The following MARF1 variants were observed in gnomAD, a reference collection of about 807,000 sequenced individuals.
MARF1 encodes limkain-b1.
Under a neutral mutation model 168.2 loss-of-function variants are expected in MARF1, and 24 were observed. That is an observed-to-expected ratio of 0.14 (90% CI 0.10 to 0.20). The LOEUF (loss-of-function observed/expected upper bound fraction) is 0.20. Ranked by LOEUF, MARF1 falls within the 10% of genes least tolerant of loss-of-function variation. The probability of loss-of-function intolerance (pLI) is 1.00; values close to 1 mark genes in which losing one functional copy is unlikely to be tolerated. For synonymous variants in MARF1, 868 were observed against 822.4 expected, an observed-to-expected ratio of 1.06 and a Z score of -0.95; for missense variants, 1,744 against 2,143.6, an observed-to-expected ratio of 0.81 and a Z score of 3.68.
intron 2 of MARF1, among the ~76,000 whole-genome samples, chr16:15,638,118 C>T (rs929744542): frequency 9.2e-5 from 14 of 152,192 alleles, no homozygotes; most frequent in African/African-American, 3.4e-4. Context: ...GAACCCGGAT[C>T]GTGCCACTGC....
chr16:15,623,166 CT>C lies in MARF1; in HGVS notation c.2271-44del, dbSNP rs772390465. 12 of 1,442,978 alleles carry C rather than the reference CT, an allele frequency of 8.3e-6. No homozygotes were observed. In the Admixed American group the frequency reaches 2.4e-4, roughly 29 times the overall value. 89.4% of individuals were successfully genotyped at this position (1,442,978 alleles called of 1,614,324 possible). ...ATTGACATTATTTTAAAAAACTGTT[CT>C]GTATATTTAGATTTTATCATTTAGG... On this transcript the variant is annotated intron_variant, in intron 10 of 26. Transcript: ENST00000396368.
chr16:15,642,054 C>T (rs1052775416), intron 1 of MARF1, among the ~76,000 whole-genome samples: 2 of 152,174 alleles, frequency 1.3e-5, no homozygotes, highest in African/African-American at 4.8e-5. Flanking sequence ...CTCTCTGAAC[C>T]TCAGATCCCA....
At position 15,615,923 on chromosome 16, in the gene MARF1, T is replaced by G; in HGVS notation, c.3160A>C (p.Ile1054Leu). Residue 1054 changes from isoleucine to leucine, a missense_variant, in exon 16 of 27, where the codon ATT (isoleucine) becomes CTT (leucine). Physicochemically the swap from Ile to Leu is conservative, Grantham distance 5. Coordinates refer to ENST00000396368, the MANE Select transcript of MARF1 (RefSeq NM_014647.4). ...NQGGVPLEHFITCVPGVNIAT... is the reference protein window; with the variant it reads ...NQGGVPLEHFLTCVPGVNIAT... ...ATGTTTACACCTGGAACACAGGTAA[T>G]GAAGTGTTCTAAGGGAACACCTCCT... 1 of 1,601,354 alleles carries G rather than the reference T, an allele frequency of 6.2e-7. No individual in the cohort carries two copies. Among genetic ancestry groups the G allele is most frequent in the Middle Eastern group, 1.7e-4 (1 of 6,016 alleles).
Position 15,636,198 on chromosome 16 carries a change from G to C in MARF1, c.289C>G (p.Pro97Ala). 1 of 1,614,178 alleles carries C rather than the reference G, an allele frequency of 6.2e-7. No individual in the cohort carries two copies. Among genetic ancestry groups the C allele is most frequent in the Non-Finnish European group, 8.5e-7 (1 of 1,180,032 alleles). ...CAATGAGCACAGCAGCTTACTTTGG[G>C]GACAGAAGAAAGCTGTATTTTAGGC... Reference protein sequence around the residue: ...QQPKIQLSSVPKVSCCAHCPN... With the variant: ...QQPKIQLSSVAKVSCCAHCPN... Residue 97 changes from proline to alanine, a missense_variant, in exon 3 of 27, where the codon CCC (proline) becomes GCC (alanine). Pro to Ala is a conservative substitution (Grantham distance 27). Around this residue, in one of 7 missense-constraint regions of MARF1, gnomAD observed 318 missense variants for 336.6 expected, o/e 0.94. Coordinates refer to ENST00000396368, the MANE Select transcript of MARF1 (RefSeq NM_014647.4).
At chr16:15,619,878 A>C (rs1351585799) in intron 13 of MARF1, among the ~76,000 whole-genome samples, 1 of 152,078 alleles carries the variant, frequency 6.6e-6, no homozygotes. Context: ...AAATACTAAA[A>C]CTTGGCCAGG....
chr16:15,598,120 C>T (rs2031947582), intron 26 of MARF1, among the ~76,000 whole-genome samples: 1 of 152,150 alleles, frequency 6.6e-6, no homozygotes. Context: ...GATGGGCCAT[C>T]CTCTCCAGAG....
intron 10 of MARF1, among the ~76,000 whole-genome samples, chr16:15,624,353 G>A (rs1390878768): frequency 6.6e-6 from 1 of 152,212 alleles, no homozygotes; most frequent in Non-Finnish European, 1.5e-5. Flanking sequence ...CTTGGTGTGA[G>A]AGACAGTGAT....
intron 4 of MARF1, 118 bp from the exon 5 acceptor site, chr16:15,633,961 C>G: frequency 1.2e-6 from 1 of 847,460 alleles, no homozygotes; most frequent in Non-Finnish European, 1.8e-6. Context: ...TAATGAATGC[C>G]AAGTTTTAAG....
chr16:15,636,300 C>T lies in MARF1; in HGVS notation c.187G>A (p.Asp63Asn). Residue 63 changes from aspartate (D) to asparagine (N), a missense_variant, in exon 3 of 27, where the codon GAT becomes AAT. Physicochemically the swap from Asp to Asn is conservative, Grantham distance 23. Around this residue, in one of 7 missense-constraint regions of MARF1, gnomAD observed 318 missense variants for 336.6 expected, o/e 0.94. Transcript: ENST00000396368. Reference sequence around the variant, plus strand: ...CCAGCATGAAGGGGTGATGGTACATCCTTTAGTTCCACAGCAACTTTCTTG... The same window carrying T: ...CCAGCATGAAGGGGTGATGGTACATTCTTTAGTTCCACAGCAACTTTCTTG... The part of the protein sequence containing the change: ...ENKKVAVELK[D>N]VPSPLHAGSK... The T allele has an allele frequency of 6.3e-7, 1 of 1,582,788 alleles. No homozygotes were observed. The highest frequency in any genetic ancestry group is 2.3e-5 in the East Asian group (1 of 44,404).
chr16:15,624,435 C>A (rs1157420798), intron 10 of MARF1, among the ~76,000 whole-genome samples: 1 of 152,156 alleles, frequency 6.6e-6, no homozygotes, highest in Non-Finnish European at 1.5e-5. Flanking sequence ...TGAATCAGAA[C>A]CACCAATGCA....
At chr16:15,636,951 A>G (rs918579054) in intron 2 of MARF1, among the ~76,000 whole-genome samples, 22 of 152,204 alleles carry the variant, frequency 1.4e-4, no homozygotes, top group African/African-American at 5.1e-4. Context: ...CAGCCAGTGA[A>G]AAGATTTAGA....
intron 19 of MARF1, 138 bp from the exon 20 acceptor site, chr16:15,609,863 AAC>A: frequency 1.4e-6 from 1 of 700,644 alleles, no homozygotes; most frequent in Non-Finnish European, 2.4e-6. Flanking sequence ...ACCTAAAACA[AAC>A]ACATATACTC....
rs2031569567 is a variant in MARF1, at chr16:15,595,276, C to G, written c.*1417G>C. ...AACAAAAAATCTGACTTGTAAAAATCTCTCTATAGCCCTTATTTTGTGGCA... is the reference window on the plus strand; with the variant it reads ...AACAAAAAATCTGACTTGTAAAAATGTCTCTATAGCCCTTATTTTGTGGCA... On this transcript the variant is annotated 3_prime_UTR_variant, in exon 27 of 27. Coordinates refer to ENST00000396368, the MANE Select transcript of MARF1 (RefSeq NM_014647.4). The G allele has an allele frequency of 6.6e-6, 1 of 152,530 alleles. No individual in the cohort carries two copies. Among genetic ancestry groups the G allele is most frequent in the Non-Finnish European group, 1.5e-5 (1 of 68,016 alleles). 9.4% of individuals were successfully genotyped at this position (152,530 alleles called of 1,614,324 possible).
intron 7 of MARF1, among the ~76,000 whole-genome samples, chr16:15,626,119 T>G (rs1180473281): frequency 6.6e-6 from 1 of 152,100 alleles, no homozygotes; most frequent in African/African-American, 2.4e-5. Flanking sequence ...AGTGAGACAC[T>G]GTCTCAAAAA....
At chr16:15,636,449 C>A in intron 2 of MARF1, 107 bp from the exon 3 acceptor site, 1 of 773,854 alleles carries the variant, frequency 1.3e-6, no homozygotes, top group Non-Finnish European at 2.0e-6. Flanking sequence ...AATTCTGTTA[C>A]ATCACTAAAT....
Position 15,636,015 on chromosome 16 carries a change from A to G in MARF1, c.472T>C (p.Ser158Pro). The change falls in exon 3 of 27, where the codon TCT (serine) becomes CCT (proline). Residue 158 changes from serine (S) to proline (P), a missense_variant. Coordinates refer to ENST00000396368, the MANE Select transcript of MARF1 (RefSeq NM_014647.4). ...VGSGFAFQSASSLQNASARNN... is the reference protein window; with the variant it reads ...VGSGFAFQSAPSLQNASARNN... Reference sequence around the variant, plus strand: ...CTAGCTGAGGCATTCTGGAGTGAAGATGCAGACTGGAAAGCAAACCCTGAC... The same window carrying G: ...CTAGCTGAGGCATTCTGGAGTGAAGGTGCAGACTGGAAAGCAAACCCTGAC... The G allele has an allele frequency of 1.2e-6, 2 of 1,614,226 alleles. No homozygotes were observed. The highest frequency in any genetic ancestry group is 1.7e-6 in the Non-Finnish European group (2 of 1,180,044).
Position 15,608,280 on chromosome 16 carries a change from A to AC in MARF1, c.4182+10_4182+11insG. 20 of 1,501,048 alleles carry AC rather than the reference A, an allele frequency of 1.3e-5. No homozygotes were observed. Among genetic ancestry groups the AC allele is most frequent in the Non-Finnish European group, 1.8e-5 (20 of 1,105,762 alleles). 93.0% of individuals were successfully genotyped at this position (1,501,048 alleles called of 1,614,324 possible). ...TGAGGGAAAAAAAAAAAAAAAAAAA[A>AC]AAACATTTACCTTCACGACATGGCA... On this transcript the variant is annotated intron_variant, in intron 21 of 26. Coordinates refer to ENST00000396368, the MANE Select transcript of MARF1 (RefSeq NM_014647.4).
rs1261291576 is a variant in MARF1 at position 15,604,358 on chromosome 16, T to G, written c.4223A>C (p.Asn1408Thr). 1 of 1,614,018 alleles carries G rather than the reference T, an allele frequency of 6.2e-7. No homozygotes were observed. Residue 1408 changes from asparagine (N) to threonine (T), a missense_variant, in exon 22 of 27, where the codon AAC (asparagine) becomes ACC (threonine). Physicochemically the swap from Asn to Thr is moderately conservative, Grantham distance 65. Coordinates refer to ENST00000396368, the MANE Select transcript of MARF1 (RefSeq NM_014647.4). Reference protein sequence around the residue: ...IESGRQIQLINRKSLRSLTAQ... With the variant: ...IESGRQIQLITRKSLRSLTAQ... ...AGTGAGAGATCGCAGAGACTTTCGGTTGATCAGCTGAATCTGTCTGCCAGA... is the reference window on the plus strand; with the variant it reads ...AGTGAGAGATCGCAGAGACTTTCGGGTGATCAGCTGAATCTGTCTGCCAGA...
At position 15,596,500 on chromosome 16, in the gene MARF1, GA is replaced by G; in HGVS notation, c.*192del. On this transcript the variant is annotated 3_prime_UTR_variant, in exon 27 of 27. Coordinates refer to ENST00000396368, the MANE Select transcript of MARF1 (RefSeq NM_014647.4). The stretch of plus-strand genomic sequence containing the variant: ...AATAATTGAAAAAAGAAAGAAAAAG[GA>G]AGAAGAAAAGAAAGACTTCAGCTCA... 2.3e-6 allele frequency: 1 copy of G among 443,348 alleles called. No individual in the cohort carries two copies. Among genetic ancestry groups the G allele is most frequent in the Non-Finnish European group, 3.9e-6 (1 of 257,738 alleles). The allele number at this position is 443,348 out of a possible 1,614,324, so 27.5% of individuals were successfully genotyped here.
Sources: gnomAD v4.1 joint callset for allele counts (sites outside exome capture counted in the v4.1 genomes callset) on GRCh38, gnomAD v4.1.1 for gene constraint, gnomAD v4.1.1 regional missense constraint, MANE v1.5 for transcripts, NCBI Gene and HGNC (gene_info 2026-07-23, HGNC 2026-07-21) for gene names.